ADCY4: variants seen among roughly 807,000 people sequenced by gnomAD.
ADCY4 encodes adenylate cyclase 4.
Under a neutral mutation model 125.5 loss-of-function variants are expected in ADCY4, and 111 were observed. The observed-to-expected ratio is 0.88, with a 90% CI of 0.76 to 1.04. The LOEUF (loss-of-function observed/expected upper bound fraction) is 1.04, where lower values mean the gene tolerates loss of function less well. ADCY4 is among the 50% of genes least tolerant of loss of function. The pLI is 0.00. For missense variants in ADCY4, 1,256 were observed against 1,382.9 expected, an observed-to-expected ratio of 0.91 and a Z score of 1.46; for synonymous variants, 576 against 586.9, an observed-to-expected ratio of 0.98 and a Z score of 0.27.
chr14:24,318,681 C>T lies in ADCY4; in HGVS notation c.3054G>A (p.Glu1018=). Residue 1018 remains glutamate (E), a synonymous_variant, in exon 24 of 25, where the codon GAG becomes GAA. Coordinates refer to ENST00000418030, the MANE Select transcript of ADCY4 (RefSeq NM_001198568.2). The part of the protein sequence containing the change: ...GNTVNVASRM[E]STGVLGKIQV... Reference sequence around the variant, plus strand: ...GGATTTTGCCAAGGACTCCTGTACTCTCCATGCGGCTGGCCACGTTCACTG... The same window carrying T: ...GGATTTTGCCAAGGACTCCTGTACTTTCCATGCGGCTGGCCACGTTCACTG... The T allele has an allele frequency of 1.2e-6, 2 of 1,614,198 alleles. No individual in the cohort carries two copies. Among genetic ancestry groups the T allele is most frequent in the Non-Finnish European group, 1.7e-6 (2 of 1,180,026 alleles).
Position 24,319,963 on chromosome 14 carries a change from C to T in ADCY4, c.2587-75G>A. On this transcript the variant is annotated intron_variant, in intron 20 of 24. Coordinates refer to ENST00000418030, the MANE Select transcript of ADCY4 (RefSeq NM_001198568.2). The surrounding 1 kb of genome is among the most constrained non-coding windows in gnomAD (Gnocchi z 4.5). Reference sequence around the variant, plus strand: ...CTTCTAGAGGTCTGCGTGGGGCCCTCCTCCCCATGTCCACACTCCTGGTCT... The same window carrying T: ...CTTCTAGAGGTCTGCGTGGGGCCCTTCTCCCCATGTCCACACTCCTGGTCT... The T allele has an allele frequency of 6.5e-7, 1 of 1,534,370 alleles. No individual in the cohort carries two copies. The highest frequency in any genetic ancestry group is 1.4e-5 in the African/African-American group (1 of 72,414).
chr14:24,323,980 C>A, intron 16 of ADCY4, 82 bp downstream of exon 16: 1 of 1,537,256 alleles, frequency 6.5e-7, no homozygotes, highest in Non-Finnish European at 8.8e-7. Context: ...CAGCTGCCTG[C>A]CCAAATCCAG....
intron 20 of ADCY4, among the ~76,000 whole-genome samples, chr14:24,320,969 G>A (rs1009390750): frequency 2.0e-5 from 3 of 152,128 alleles, no homozygotes; most frequent in African/African-American, 7.2e-5. Flanking sequence ...CCAAGGATGG[G>A]TTTCATGGAA....
chr14:24,328,794 C>T lies in ADCY4; in HGVS notation c.1524+267G>A, dbSNP rs367939626. 2,225 of 450,952 alleles carry T rather than the reference C, an allele frequency of 4.9e-3. 14 individuals carry two copies. Among genetic ancestry groups the T allele is most frequent in the Non-Finnish European group, 6.6e-3 (1,661 of 253,230 alleles). 27.9% of individuals were successfully genotyped at this position (450,952 alleles called of 1,614,324 possible). The stretch of plus-strand genomic sequence containing the variant: ...TCGTCGCACACAGGGAGAGACCCAC[C>T]GACCCTGTGGGGCTGGTCCCTACAA... On this transcript the variant is annotated intron_variant, in intron 10 of 24. Transcript: ENST00000418030.
intron 13 of ADCY4, 46 bp from the exon 14 acceptor site, chr14:24,325,520 C>A (rs1289524398): frequency 5.9e-6 from 9 of 1,535,460 alleles, no homozygotes; most frequent in Middle Eastern, 3.5e-4. Context: ...CAGTGCTACC[C>A]ATCACCTTGA....
intron 18 of ADCY4, 69 bp downstream of exon 18, chr14:24,322,835 C>G (rs1405796845): frequency 1.3e-6 from 2 of 1,542,540 alleles, no homozygotes; most frequent in Non-Finnish European, 1.8e-6. Flanking sequence ...GAGGCCAGGA[C>G]AGCTCTGCTG....
In ADCY4 at chr14:24,319,472, T is replaced by G; in HGVS notation, c.2734-36A>C. The G allele has an allele frequency of 6.3e-7, 1 of 1,596,442 alleles. No individual in the cohort carries two copies. Among genetic ancestry groups the G allele is most frequent in the Non-Finnish European group, 8.6e-7 (1 of 1,164,234 alleles). On this transcript the variant is annotated intron_variant, in intron 21 of 24. Transcript: ENST00000418030. This position sits in a 1 kb window ranked among gnomAD's most constrained non-coding sequence, Gnocchi z 4.5. ...AGAAGAGTCCTGTCCCCAGTCTCTC[T>G]TACTCTCTCCATCACCTCTCCCAGA...
intron 3 of ADCY4, chr14:24,332,269 G>A (rs1464339201): frequency 8.9e-6 from 4 of 448,016 alleles, no homozygotes; most frequent in Non-Finnish European, 1.5e-5. Flanking sequence ...CTCTGTCAAG[G>A]TTTCATTAAC....
At chr14:24,318,833 C>G in intron 23 of ADCY4, 55 bp from the exon 24 acceptor site, 3 of 1,609,326 alleles carry the variant, frequency 1.9e-6, no homozygotes, top group Non-Finnish European at 2.5e-6. Flanking sequence ...GAAGAGGAAG[C>G]CACAAGGAAC....
intron 3 of ADCY4, 199 bp from the exon 4 acceptor site, chr14:24,332,136 G>T: frequency 1.7e-6 from 1 of 600,322 alleles, no homozygotes. Flanking sequence ...ACTCTCGGCT[G>T]CTTCACCAAC....
chr14:24,329,067 A>AG lies in ADCY4; in HGVS notation c.1517dup (p.Leu507SerfsTer26). Reference sequence around the variant, plus strand: ...AGGATGAAGGTGCACATACCGGGAGAGGGGTGGAGGTGGACACAGGGCTGT... The same window carrying AG: ...AGGATGAAGGTGCACATACCGGGAGAGGGGGTGGAGGTGGACACAGGGCTGT... On this transcript the variant is annotated frameshift_variant, in exon 10 of 25. Coordinates refer to ENST00000418030, the MANE Select transcript of ADCY4 (RefSeq NM_001198568.2). LOFTEE classifies it high-confidence loss of function. 3 of 1,613,222 alleles carry AG rather than the reference A, an allele frequency of 1.9e-6. No homozygotes were observed. The highest frequency in any genetic ancestry group is 2.5e-6 in the Non-Finnish European group (3 of 1,179,600).
At chr14:24,329,821 T>C in intron 8 of ADCY4, 39 bp downstream of exon 8, 3 of 1,595,610 alleles carry the variant, frequency 1.9e-6, no homozygotes, top group Non-Finnish European at 2.6e-6. Flanking sequence ...TAGGCCTGGT[T>C]GGCCTTCTGC....
Position 24,330,266 on chromosome 14 carries a change from C to T in ADCY4, c.960G>A (p.Leu320=), listed in dbSNP as rs778119824. Residue 320 remains leucine, a synonymous_variant, in exon 7 of 25, where the codon CTG becomes CTA. Coordinates refer to ENST00000418030, the MANE Select transcript of ADCY4 (RefSeq NM_001198568.2). The stretch of plus-strand genomic sequence containing the variant: ...CAGAGACACAGTAGTAACAGTCCCC[C>T]AGGATCTTGATCCGCATGCATTCAT... The part of the protein sequence containing the change: ...KEHECMRIKI[L]GDCYYCVSGL... The T allele has an allele frequency of 8.7e-6, 14 of 1,614,200 alleles. No individual in the cohort carries two copies. Among genetic ancestry groups the T allele is most frequent in the Non-Finnish European group, 1.2e-5 (14 of 1,180,042 alleles).
intron 1 of ADCY4, among the ~76,000 whole-genome samples, chr14:24,333,901 T>C (rs2139230668): frequency 6.6e-6 from 1 of 152,278 alleles, no homozygotes; most frequent in East Asian, 1.9e-4. Flanking sequence ...CAGCATTTTG[T>C]CCCCACCTCT....
intron 7 of ADCY4, 45 bp downstream of exon 7, chr14:24,330,123 C>G: frequency 6.2e-7 from 1 of 1,602,474 alleles, no homozygotes; most frequent in Non-Finnish European, 8.5e-7. Flanking sequence ...CTGCTGCCCC[C>G]CACATCCACC....
intron 13 of ADCY4, 70 bp from the exon 14 acceptor site, chr14:24,325,544 A>G (rs1318938677): frequency 1.4e-6 from 2 of 1,385,092 alleles, no homozygotes; most frequent in African/African-American, 2.9e-5. Flanking sequence ...CATCACTCCC[A>G]GGCAAGGGGT....
rs768580158 is a variant in ADCY4, at chr14:24,331,373, T to C, written c.670-17A>G. 3.1e-6 allele frequency: 5 copies of C among 1,613,192 alleles called. 1 individual carries two copies. In the South Asian group the frequency reaches 4.4e-5, roughly 14 times the overall value. ...AAGGTGTTCCTGGAAGAGGTCACCA[T>C]GAACACCAACTCTTCTGCACCCTAA... On this transcript the variant is annotated splice_polypyrimidine_tract_variant and intron_variant, in intron 4 of 24. Coordinates refer to ENST00000418030, the MANE Select transcript of ADCY4 (RefSeq NM_001198568.2).
At chr14:24,321,489 CTG>C (rs1311776535) in intron 20 of ADCY4, among the ~76,000 whole-genome samples, 5 of 149,856 alleles carry the variant, frequency 3.3e-5, no homozygotes, top group Admixed American at 2.0e-4. Flanking sequence ...GAGAGTGAAA[CTG>C]TGTCTTAAAA....
Position 24,324,130 on chromosome 14 carries a change from G to A in ADCY4, c.1978C>T (p.Pro660Ser), listed in dbSNP as rs1392998636. Residue 660 changes from proline (P) to serine (S), a missense_variant, in exon 16 of 25, where the codon CCA (proline) becomes TCA (serine). Pro to Ser is a moderately conservative substitution (Grantham distance 74). Transcript: ENST00000418030. ...GTGCCCAAGGCTATTCTCAGTCCTGGTCGTGTGGCCACCAGGCCAGACAGT... is the reference window on the plus strand; with the variant it reads ...GTGCCCAAGGCTATTCTCAGTCCTGATCGTGTGGCCACCAGGCCAGACAGT... ...PALSGLVATRPGLRIALGTAT... is the reference protein window; with the variant it reads ...PALSGLVATRSGLRIALGTAT... The A allele has an allele frequency of 6.2e-7, 1 of 1,614,246 alleles. No homozygotes were observed. Among genetic ancestry groups the A allele is most frequent in the Non-Finnish European group, 8.5e-7 (1 of 1,180,038 alleles).
Sources: gnomAD v4.1 joint callset for allele counts (sites outside exome capture counted in the v4.1 genomes callset) on GRCh38, gnomAD v4.1.1 for gene constraint, Gnocchi (gnomAD v3.1) non-coding constraint, MANE v1.5 for transcripts, NCBI Gene and HGNC (gene_info 2026-07-23, HGNC 2026-07-21) for gene names.